Variants in CDK8 observed in about 807,000 individuals in gnomAD.
CDK8 encodes cyclin dependent kinase 8.
A neutral mutation model predicts 71.5 loss-of-function variants in CDK8; 29 were observed. That is an observed-to-expected ratio of 0.41 (90% CI 0.30 to 0.55). The LOEUF is 0.55. Among genes scored for constraint, CDK8 ranks in the 20% least tolerant of loss-of-function variants. The pLI, the probability that CDK8 is intolerant of heterozygous loss-of-function variation, is 0.37. For synonymous variants in CDK8, 161 were observed against 192.1 expected (o/e 0.84, Z 1.34); for missense variants, 288 against 572.6 (o/e 0.50, Z 5.07).
chr13:26,369,007 G>A (rs185878365), intron 4 of CDK8, among the ~76,000 whole-genome samples: 1 of 152,010 alleles, frequency 6.6e-6, no homozygotes, highest in East Asian at 1.9e-4. Flanking sequence ...TCACAAGTAA[G>A]TTTGGTCAGT....
chr13:26,261,944 A>G (rs1048519908), intron 1 of CDK8, among the ~76,000 whole-genome samples: 1 of 152,184 alleles, frequency 6.6e-6, no homozygotes, highest in African/African-American at 2.4e-5. Flanking sequence ...TTATTCCAGG[A>G]CAGTGCTCAC....
chr13:26,374,762 G>A (rs1263553194), intron 4 of CDK8, among the ~76,000 whole-genome samples: 3 of 152,096 alleles, frequency 2.0e-5, no homozygotes, highest in Non-Finnish European at 4.4e-5. Context: ...ATTATATGAT[G>A]TAGATATGAG....
At chr13:26,379,122 AT>A (rs1875093141) in intron 4 of CDK8, among the ~76,000 whole-genome samples, 1 of 152,198 alleles carries the variant, frequency 6.6e-6, no homozygotes, top group African/African-American at 2.4e-5. Context: ...CCTGGGGCAT[AT>A]GTAGTGTTAA....
intron 5 of CDK8, 35 bp downstream of exon 5, chr13:26,382,906 C>CT: frequency 1.4e-6 from 2 of 1,457,780 alleles, no homozygotes; most frequent in Non-Finnish European, 9.4e-7. Context: ...CAGTGTAGCA[C>CT]TTTTTTAAAA....
chr13:26,293,434 C>G (rs1171900314), intron 1 of CDK8, among the ~76,000 whole-genome samples: 1 of 151,900 alleles, frequency 6.6e-6, no homozygotes, highest in African/African-American at 2.4e-5. Context: ...GAAACCCCAT[C>G]TCTACTAAAA....
chr13:26,318,303 T>A (rs1042768960), intron 1 of CDK8, among the ~76,000 whole-genome samples: 1 of 152,050 alleles, frequency 6.6e-6, no homozygotes, highest in East Asian at 1.9e-4. Flanking sequence ...AAAAAGCTCT[T>A]GATTTAAAAA....
chr13:26,328,589 A>AG (rs892684129), intron 1 of CDK8, among the ~76,000 whole-genome samples: 11 of 152,200 alleles, frequency 7.2e-5, no homozygotes, highest in African/African-American at 2.7e-4. Flanking sequence ...ACTCATTTTG[A>AG]GAGGACCAAA....
At chr13:26,374,992 A>G (rs1874878098) in intron 4 of CDK8, among the ~76,000 whole-genome samples, 1 of 152,200 alleles carries the variant, frequency 6.6e-6, no homozygotes, top group African/African-American at 2.4e-5. Flanking sequence ...AACAACCTTA[A>G]TGTTTAATAG....
At chr13:26,262,956 C>T (rs545689745) in intron 1 of CDK8, among the ~76,000 whole-genome samples, 1 of 152,180 alleles carries the variant, frequency 6.6e-6, no homozygotes, top group African/African-American at 2.4e-5. Flanking sequence ...AATCATCCTA[C>T]AGAGAGGAAT....
At position 26,397,030 on chromosome 13, in the gene CDK8, A is replaced by G; in HGVS notation, c.861-123A>G. On this transcript the variant is annotated intron_variant, in intron 8 of 12. Coordinates refer to ENST00000381527, the MANE Select transcript of CDK8 (RefSeq NM_001260.3). ...ATTTAATTCTACTCATTTTATGCTC[A>G]TAGTGTTTTCAATATATATTTTATA... The G allele has an allele frequency of 4.6e-6, 3 of 650,170 alleles. No homozygotes were observed. The South Asian group carries it at 5.3e-5, about 12-fold the overall frequency. 40.3% of individuals were successfully genotyped at this position (650,170 alleles called of 1,614,324 possible).
chr13:26,264,318 C>G (rs1369433316), intron 1 of CDK8, among the ~76,000 whole-genome samples: 1 of 151,896 alleles, frequency 6.6e-6, no homozygotes, highest in Non-Finnish European at 1.5e-5. Context: ...CAGGGTCTCA[C>G]TCTGTTCCCT....
intron 2 of CDK8, among the ~76,000 whole-genome samples, chr13:26,340,009 C>T (rs1430903468): frequency 1.3e-5 from 2 of 151,624 alleles, no homozygotes; most frequent in Admixed American, 6.6e-5. Flanking sequence ...AAAATATTTC[C>T]GCTTTCACTG....
Position 26,404,483 on chromosome 13 carries a change from A to G in CDK8, c.*402A>G. 1 of 244,154 alleles carries G rather than the reference A, an allele frequency of 4.1e-6. No individual in the cohort carries two copies. Among genetic ancestry groups the G allele is most frequent in the East Asian group, 5.8e-5 (1 of 17,150 alleles). 15.1% of individuals were successfully genotyped at this position (244,154 alleles called of 1,614,324 possible). A position where few individuals can be genotyped will look rare whatever the true frequency, so the allele number is the denominator to read the frequency against. On this transcript the variant is annotated 3_prime_UTR_variant, in exon 13 of 13. Coordinates refer to ENST00000381527, the MANE Select transcript of CDK8 (RefSeq NM_001260.3). Reference sequence around the variant, plus strand: ...TCTGACCAATAGTACACACACAGACACAAAGTTTAACTGGTACTTGAAACA... The same window carrying G: ...TCTGACCAATAGTACACACACAGACGCAAAGTTTAACTGGTACTTGAAACA...
intron 4 of CDK8, chr13:26,359,022 G>T: frequency 3.3e-6 from 1 of 303,990 alleles, no homozygotes; most frequent in South Asian, 2.9e-5. Context: ...GTAAGACTCT[G>T]TCTGTAAAAT....
chr13:26,266,364 A>G (rs1872017272), intron 1 of CDK8, among the ~76,000 whole-genome samples: 1 of 152,200 alleles, frequency 6.6e-6, no homozygotes, highest in Non-Finnish European at 1.5e-5. Context: ...AGGGCCTTGT[A>G]TAAAGTGCGA....
intron 1 of CDK8, among the ~76,000 whole-genome samples, chr13:26,323,320 AGAGAGAGG>A (rs1201311287): frequency 1.7e-5 from 2 of 116,878 alleles, no homozygotes; most frequent in African/African-American, 7.0e-5. Context: ...AGAGAGAGAG[AGAGAGAGG>A]GAGAGAGAGA....
At chr13:26,296,474 C>T (rs1272194781) in intron 1 of CDK8, among the ~76,000 whole-genome samples, 1 of 152,124 alleles carries the variant, frequency 6.6e-6, no homozygotes, top group Non-Finnish European at 1.5e-5. Flanking sequence ...TCAGAATCCT[C>T]TTAAGTGGTT....
At chr13:26,331,222 C>A (rs114818676) in intron 1 of CDK8, among the ~76,000 whole-genome samples, 10 of 151,930 alleles carry the variant, frequency 6.6e-5, no homozygotes, top group African/African-American at 2.4e-4. Flanking sequence ...TTTCATATAC[C>A]TGTTGGATCT....
rs572573264 is a variant in CDK8, at chr13:26,289,094, G to A, written c.128+34325G>A. ...TTTTTTTGAGACAGTCTTGCTCTGT[G>A]GCCAGGCCGGAATGCAGTGGTGTGA... is the stretch of plus-strand genomic sequence containing the variant. On this transcript the variant is annotated intron_variant, in intron 1 of 12. Transcript: ENST00000381527. 1.1e-4 allele frequency among the ~76,000 whole-genome samples: 15 copies of A among 134,360 alleles called. No homozygotes were observed. The East Asian group carries it at 2.8e-3, about 25-fold the overall frequency. The allele number at this position is 134,360 out of a possible 152,430, so 88.1% of individuals were successfully genotyped here.
Sources: gnomAD v4.1 joint callset for allele counts (sites outside exome capture counted in the v4.1 genomes callset) on GRCh38, gnomAD v4.1.1 for gene constraint, MANE v1.5 for transcripts, NCBI Gene and HGNC (gene_info 2026-07-23, HGNC 2026-07-21) for gene names.